Variants in SUPT3H observed in about 807,000 individuals in gnomAD.
The protein encoded by SUPT3H is transcription initiation protein SPT3 homolog.
In SUPT3H, 44 loss-of-function variants were observed where a neutral mutation model predicts 44.3. The observed-to-expected ratio is 0.99, with a 90% CI of 0.78 to 1.28. The LOEUF (loss-of-function observed/expected upper bound fraction) is 1.28. SUPT3H is among the 50% of genes most tolerant of loss of function. The pLI, the probability that SUPT3H is intolerant of heterozygous loss-of-function variation, is 0.00. For missense variants in SUPT3H, 380 were observed against 387.1 expected, an observed-to-expected ratio of 0.98 and a Z score of 0.15; for synonymous variants, 124 against 125.6, an observed-to-expected ratio of 0.99 and a Z score of 0.09.
intron 10 of SUPT3H, among the ~76,000 whole-genome samples, chr6:44,854,976 A>G (rs1268565278): frequency 6.6e-6 from 1 of 152,162 alleles, no homozygotes; most frequent in East Asian, 1.9e-4. Flanking sequence ...GAAGCACAAA[A>G]TGTGTCCTTG....
intron 6 of SUPT3H, among the ~76,000 whole-genome samples, chr6:44,990,220 A>G (rs995732573): frequency 1.3e-5 from 2 of 152,010 alleles, no homozygotes; most frequent in African/African-American, 4.8e-5. Flanking sequence ...TTTTACCAAC[A>G]CCATTTATTG....
At chr6:45,288,326 A>G (rs944345680) in intron 2 of SUPT3H, among the ~76,000 whole-genome samples, 10 of 152,032 alleles carry the variant, frequency 6.6e-5, no homozygotes, top group African/African-American at 2.4e-4. Flanking sequence ...AGACTTAAGG[A>G]TAGTTTTTGA....
chr6:45,147,518 T>C (rs1414646562), intron 2 of SUPT3H, among the ~76,000 whole-genome samples: 2 of 152,162 alleles, frequency 1.3e-5, no homozygotes, highest in East Asian at 3.9e-4. Context: ...AAAAATATTA[T>C]TATACAGTGT....
At chr6:44,917,760 G>C (rs769693651) in intron 10 of SUPT3H, among the ~76,000 whole-genome samples, 2 of 152,176 alleles carry the variant, frequency 1.3e-5, no homozygotes, top group African/African-American at 4.8e-5. Flanking sequence ...ACTGAGAGCT[G>C]TGTAATCCAA....
At chr6:45,280,524 A>G (rs1777830436) in intron 2 of SUPT3H, among the ~76,000 whole-genome samples, 1 of 152,190 alleles carries the variant, frequency 6.6e-6, no homozygotes, top group South Asian at 2.1e-4. Flanking sequence ...CCTCTTAGGT[A>G]TAGATACAGA....
chr6:45,162,640 G>A (rs918683527), intron 2 of SUPT3H, among the ~76,000 whole-genome samples: 1 of 152,062 alleles, frequency 6.6e-6, no homozygotes, highest in African/African-American at 2.4e-5. Flanking sequence ...GGTAAGAGGC[G>A]GTACCTAACC....
At chr6:45,356,915 C>T (rs953712780) in intron 2 of SUPT3H, among the ~76,000 whole-genome samples, 3 of 152,174 alleles carry the variant, frequency 2.0e-5, no homozygotes, top group African/African-American at 4.8e-5. Flanking sequence ...TTTACTGTAA[C>T]GAGGCAAATC....
chr6:44,982,463 T>C (rs2153490656), intron 6 of SUPT3H, among the ~76,000 whole-genome samples: 1 of 152,258 alleles, frequency 6.6e-6, no homozygotes, highest in South Asian at 2.1e-4. Context: ...GACCTCAATC[T>C]CCTGGCCTCC....
At chr6:44,870,856 GTT>G in intron 10 of SUPT3H, among the ~76,000 whole-genome samples, 1 of 151,782 alleles carries the variant, frequency 6.6e-6, no homozygotes, top group African/African-American at 2.4e-5. Context: ...GGGTCAGGGA[GTT>G]CCCTTTCCGA....
At chr6:45,200,489 G>A (rs551867371) in intron 2 of SUPT3H, among the ~76,000 whole-genome samples, 2 of 151,488 alleles carry the variant, frequency 1.3e-5, no homozygotes, top group South Asian at 4.2e-4. Flanking sequence ...AGATCCTAAA[G>A]CCTCATATTT....
intron 2 of SUPT3H, among the ~76,000 whole-genome samples, chr6:45,330,108 T>C (rs560978157): frequency 2.6e-5 from 4 of 151,988 alleles, no homozygotes; most frequent in South Asian, 2.1e-4. Context: ...AAATGTACTT[T>C]GTATTTTACA....
intron 6 of SUPT3H, among the ~76,000 whole-genome samples, chr6:44,973,721 TTTAA>T (rs1777919729): frequency 6.6e-6 from 1 of 152,180 alleles, no homozygotes; most frequent in East Asian, 1.9e-4. Context: ...AGGAAAATGG[TTTAA>T]TTGACTCACA....
At chr6:45,297,766 G>C (rs1781524437) in intron 2 of SUPT3H, among the ~76,000 whole-genome samples, 1 of 151,848 alleles carries the variant, frequency 6.6e-6, no homozygotes, top group African/African-American at 2.4e-5. Flanking sequence ...AATACTTTAG[G>C]CTCCCTATGC....
At chr6:44,879,343 G>T (rs184797910) in intron 10 of SUPT3H, among the ~76,000 whole-genome samples, 1 of 152,186 alleles carries the variant, frequency 6.6e-6, no homozygotes, top group Non-Finnish European at 1.5e-5. Flanking sequence ...ACTGCAGCTT[G>T]GCTAAGCTGC....
intron 10 of SUPT3H, among the ~76,000 whole-genome samples, chr6:44,853,369 A>G (rs2153422388): frequency 1.3e-5 from 2 of 152,284 alleles, no homozygotes; most frequent in African/African-American, 4.8e-5. Context: ...TGCATTCAAT[A>G]AATGCAAGTG....
chr6:45,113,440 GCT>G (rs1800365602), intron 2 of SUPT3H, among the ~76,000 whole-genome samples: 1 of 152,152 alleles, frequency 6.6e-6, no homozygotes, highest in African/African-American at 2.4e-5. Context: ...AATTTTAACA[GCT>G]CTTTCACAAA....
At chr6:44,877,898 G>T (rs1224690265) in intron 10 of SUPT3H, among the ~76,000 whole-genome samples, 2 of 152,116 alleles carry the variant, frequency 1.3e-5, no homozygotes, top group African/African-American at 4.8e-5. Flanking sequence ...GACTTCCAAA[G>T]GTTCTTTGAA....
intron 2 of SUPT3H, among the ~76,000 whole-genome samples, chr6:45,265,892 T>C (rs1258252944): frequency 1.3e-5 from 2 of 152,036 alleles, no homozygotes; most frequent in Non-Finnish European, 2.9e-5. Context: ...AGATAAAATA[T>C]ATCAAAATGT....
chr6:45,364,372 G>T (rs909681260), intron 2 of SUPT3H, among the ~76,000 whole-genome samples: 40 of 152,018 alleles, frequency 2.6e-4, no homozygotes, highest in African/African-American at 9.2e-4. Context: ...AACTATGAAG[G>T]CTATCAATTT....
Sources: gnomAD v4.1 joint callset for allele counts (sites outside exome capture counted in the v4.1 genomes callset) on GRCh38, gnomAD v4.1.1 for gene constraint, MANE v1.5 for transcripts, NCBI Gene and HGNC (gene_info 2026-07-23, HGNC 2026-07-21) for gene names.